Variants in ATP10B observed in about 807,000 individuals in gnomAD.
ATP10B encodes ATPase phospholipid transporting 10B (putative).
Under a neutral mutation model 141.2 loss-of-function variants are expected in ATP10B, and 122 were observed. The ratio of observed to expected loss-of-function variants is 0.86; its 90% CI spans 0.75 to 1.00. The LOEUF is 1.00. Ranked by LOEUF, ATP10B falls within the 50% of genes least tolerant of loss-of-function variation. ATP10B has a pLI of 0.00. For synonymous variants in ATP10B, 685 were observed against 692.0 expected (o/e 0.99, Z 0.16); for missense variants, 1,876 against 1,825.3 (o/e 1.03, Z -0.51).
chr5:160,744,763 T>C (rs561433326), intron 2 of ATP10B, among the ~76,000 whole-genome samples: 57 of 152,358 alleles, frequency 3.7e-4, no homozygotes, highest in Middle Eastern at 3.4e-3. Flanking sequence ...TAACTGTCTA[T>C]TGAGACAGAC....
intron 1 of ATP10B, among the ~76,000 whole-genome samples, chr5:160,846,206 G>A (rs1776106289): frequency 6.6e-6 from 1 of 152,152 alleles, no homozygotes; most frequent in African/African-American, 2.4e-5. Flanking sequence ...ATTTAGAAAT[G>A]AGTGCCTAAA....
chr5:160,582,661 T>C (rs1755630407), intron 24 of ATP10B, among the ~76,000 whole-genome samples: 2 of 152,182 alleles, frequency 1.3e-5, no homozygotes, highest in South Asian at 2.1e-4. Context: ...CTGGATAACA[T>C]CCTGAAGAGT....
the ATP10B span, among the ~76,000 whole-genome samples, chr5:160,888,150 C>T: frequency 6.6e-6 from 1 of 152,208 alleles, no homozygotes; most frequent in Non-Finnish European, 1.5e-5. Flanking sequence ...AGACTGGCCT[C>T]TGTACAAGAA....
Position 160,846,965 on chromosome 5 carries a change from G to A in ATP10B, c.-576+4976C>T, listed in dbSNP as rs1330933938. Among the ~76,000 whole-genome samples the A allele has an allele frequency of 3.3e-5, 5 of 152,166 alleles. No individual in the cohort carries two copies. In the East Asian group the frequency reaches 9.6e-4, roughly 29 times the overall value. ...CTATGCGGTTGAAGCCCTTGAAATA[G>A]CAACTGGCAGATAGTAAGTACTCAG... On this transcript the variant is annotated intron_variant, in intron 1 of 25. Coordinates refer to ENST00000327245, the MANE Select transcript of ATP10B (RefSeq NM_025153.3).
At chr5:160,581,153 G>A (rs1434777019) in intron 24 of ATP10B, among the ~76,000 whole-genome samples, 2 of 152,048 alleles carry the variant, frequency 1.3e-5, no homozygotes, top group African/African-American at 2.4e-5. Context: ...ATCTCCTTCA[G>A]TTCTGCTCTG....
intron 2 of ATP10B, among the ~76,000 whole-genome samples, chr5:160,721,880 G>A (rs905101302): frequency 2.6e-5 from 4 of 152,116 alleles, no homozygotes; most frequent in African/African-American, 9.7e-5. Flanking sequence ...GTCCTGTCTT[G>A]GAGCCATTAT....
chr5:160,830,706 A>G (rs775519975), intron 1 of ATP10B, among the ~76,000 whole-genome samples: 2 of 151,916 alleles, frequency 1.3e-5, no homozygotes, highest in Non-Finnish European at 2.9e-5. Context: ...TTATCTGTAG[A>G]GTAGATTTTT....
upstream of ATP10B, among the ~76,000 whole-genome samples, chr5:160,853,753 C>T (rs979038677): frequency 2.8e-4 from 43 of 152,272 alleles, no homozygotes; most frequent in African/African-American, 9.9e-4. Flanking sequence ...GTGACACTGT[C>T]TGGCTAATTA....
At chr5:160,621,102 T>C (rs1384743354) in intron 14 of ATP10B, 152 bp from the exon 15 acceptor site, 2 of 962,638 alleles carry the variant, frequency 2.1e-6, no homozygotes, top group Non-Finnish European at 3.1e-6. Flanking sequence ...ATGGTCATTT[T>C]CCACTATCTT....
At chr5:160,743,131 C>A (rs546829911) in intron 2 of ATP10B, among the ~76,000 whole-genome samples, 1 of 152,012 alleles carries the variant, frequency 6.6e-6, no homozygotes, top group Non-Finnish European at 1.5e-5. Flanking sequence ...TTATCGCTGC[C>A]CCATTTTGTA....
chr5:160,799,696 A>C (rs536698048), intron 1 of ATP10B, among the ~76,000 whole-genome samples: 1 of 152,332 alleles, frequency 6.6e-6, no homozygotes, highest in South Asian at 2.1e-4. Flanking sequence ...CACTTGGGGA[A>C]AAACAGGTAA....
At chr5:160,822,923 G>T (rs1225581759) in intron 1 of ATP10B, among the ~76,000 whole-genome samples, 1 of 141,600 alleles carries the variant, frequency 7.1e-6, no homozygotes. Flanking sequence ...ACAAAAAATA[G>T]AAATAATGAA....
chr5:160,631,054 T>C (rs982479845), intron 13 of ATP10B, among the ~76,000 whole-genome samples: 4 of 152,178 alleles, frequency 2.6e-5, no homozygotes, highest in African/African-American at 9.7e-5. Flanking sequence ...TATGTGGTTA[T>C]GTGTGTGTGT....
chr5:160,827,774 C>T (rs1323946438), intron 1 of ATP10B, among the ~76,000 whole-genome samples: 1 of 152,174 alleles, frequency 6.6e-6, no homozygotes, highest in Non-Finnish European at 1.5e-5. Flanking sequence ...AGTCCAGTTT[C>T]ATTCACCTGC....
intron 2 of ATP10B, among the ~76,000 whole-genome samples, chr5:160,783,810 A>G (rs1770935979): frequency 6.6e-6 from 1 of 152,020 alleles, no homozygotes; most frequent in African/African-American, 2.4e-5. Flanking sequence ...GAATCTCCAC[A>G]CTGTTTTCCA....
chr5:160,657,955 AC>A (rs1761623388), intron 7 of ATP10B, among the ~76,000 whole-genome samples: 1 of 152,242 alleles, frequency 6.6e-6, no homozygotes, highest in Non-Finnish European at 1.5e-5. Context: ...ACACAGACAA[AC>A]TTTTCTGTAC....
At chr5:160,893,973 T>C in the ATP10B span, among the ~76,000 whole-genome samples, 1,825 of 152,090 alleles carry the variant, frequency 0.012, 23 homozygotes, top group Middle Eastern at 0.037. Context: ...GAAGGAAACC[T>C]AACAAACAGA....
intron 2 of ATP10B, among the ~76,000 whole-genome samples, chr5:160,722,241 T>G (rs779229924): frequency 6.6e-6 from 1 of 152,220 alleles, no homozygotes; most frequent in Non-Finnish European, 1.5e-5. Context: ...ATTATTTCTT[T>G]GAAGATTACA....
chr5:160,690,171 G>GC (rs1175995499), intron 3 of ATP10B, among the ~76,000 whole-genome samples: 1 of 152,112 alleles, frequency 6.6e-6, no homozygotes, highest in Admixed American at 6.5e-5. Context: ...AACTGAAACT[G>GC]GACACCTTCC....
Sources: allele counts gnomAD v4.1 joint callset (sites outside exome capture counted in the v4.1 genomes callset), GRCh38; gene constraint gnomAD v4.1.1; transcripts MANE v1.5; gene names NCBI Gene and HGNC (gene_info 2026-07-23, HGNC 2026-07-21).